The following SUMF1 variants were observed in gnomAD, a reference collection of about 807,000 sequenced individuals.
The protein encoded by SUMF1 is sulfatase modifying factor 1, also known as formylglycine-generating enzyme.
SUMF1 carries 48 observed loss-of-function variants against 47.6 expected under a neutral mutation model. The observed-to-expected ratio is 1.01, with a 90% confidence interval of 0.80 to 1.28. The LOEUF (loss-of-function observed/expected upper bound fraction) is 1.28, where lower values mean the gene tolerates loss of function less well. Ranked by LOEUF, SUMF1 falls within the 50% of genes most tolerant of loss-of-function variation. The probability of loss-of-function intolerance (pLI) is 0.00; values close to 1 mark genes in which losing one functional copy is unlikely to be tolerated. For synonymous variants in SUMF1, 230 were observed against 192.1 expected, an observed-to-expected ratio of 1.20 and a Z score of -1.63; for missense variants, 571 against 485.4, an observed-to-expected ratio of 1.18 and a Z score of -1.66.
chr3:4,466,751 A>G (rs915522702), intron 1 of SUMF1, among the ~76,000 whole-genome samples: 9 of 152,226 alleles, frequency 5.9e-5, no homozygotes, highest in African/African-American at 2.2e-4. Flanking sequence ...AATAGGGGGT[A>G]AAGAAGTAAC....
intron 3 of SUMF1, among the ~76,000 whole-genome samples, chr3:4,423,197 T>C (rs969515017): frequency 6.6e-6 from 1 of 152,096 alleles, no homozygotes; most frequent in Non-Finnish European, 1.5e-5. Flanking sequence ...CACACATGTT[T>C]ATAGCAGCAT....
At chr3:4,456,983 T>C (rs1168970534) in intron 1 of SUMF1, among the ~76,000 whole-genome samples, 2 of 148,492 alleles carry the variant, frequency 1.3e-5, no homozygotes, top group African/African-American at 2.5e-5. Context: ...TGTGTGTATA[T>C]ATATATACGT....
chr3:4,349,868 T>C (rs941572384), intron 8 of SUMF1, among the ~76,000 whole-genome samples: 1 of 150,836 alleles, frequency 6.6e-6, no homozygotes, highest in African/African-American at 2.4e-5. Context: ...AGTTGGAGGA[T>C]GGGTCAATAG....
chr3:4,180,461 C>T (rs1695069163), intron 8 of SUMF1, among the ~76,000 whole-genome samples: 1 of 151,898 alleles, frequency 6.6e-6, no homozygotes, highest in Non-Finnish European at 1.5e-5. Context: ...ACCAACACCA[C>T]ATGTTCTCAC....
chr3:4,458,612 T>C (rs1184894583), intron 1 of SUMF1, among the ~76,000 whole-genome samples: 1 of 152,116 alleles, frequency 6.6e-6, no homozygotes, highest in Non-Finnish European at 1.5e-5. Flanking sequence ...TCCCAGCACT[T>C]TGGGAGGCCG....
intron 9 of SUMF1, among the ~76,000 whole-genome samples, chr3:4,049,036 TTTGAAAGCCATGGGGAGC>T (rs1695057714): frequency 6.6e-6 from 1 of 152,162 alleles, no homozygotes; most frequent in Non-Finnish European, 1.5e-5. Context: ...CAGATATAGA[TTTGAAAGCCATGGGGAGC>T]ATGAAACCCA....
At chr3:4,458,475 A>T in intron 1 of SUMF1, among the ~76,000 whole-genome samples, 1 of 152,210 alleles carries the variant, frequency 6.6e-6, no homozygotes, top group East Asian at 1.9e-4. Context: ...TACAGAAGCA[A>T]CCTAGATGTC....
At chr3:4,322,963 C>T (rs1698867831) in intron 8 of SUMF1, among the ~76,000 whole-genome samples, 1 of 151,918 alleles carries the variant, frequency 6.6e-6, no homozygotes, top group Non-Finnish European at 1.5e-5. Flanking sequence ...TTCATAACAA[C>T]AAAAAAGTGG....
At chr3:4,315,351 G>A (rs1158300355) in intron 8 of SUMF1, among the ~76,000 whole-genome samples, 1 of 152,204 alleles carries the variant, frequency 6.6e-6, no homozygotes, top group Non-Finnish European at 1.5e-5. Flanking sequence ...ATTTGATTCT[G>A]CAGATACCCT....
chr3:4,360,591 C>T (rs1458012562), downstream of SUMF1, among the ~76,000 whole-genome samples: 1 of 152,074 alleles, frequency 6.6e-6, no homozygotes, highest in Non-Finnish European at 1.5e-5. Flanking sequence ...CCTTGGCCTC[C>T]CAAAGTGCTG....
chr3:4,040,756 C>T (rs565694470), intron 9 of SUMF1, among the ~76,000 whole-genome samples: 14 of 152,090 alleles, frequency 9.2e-5, no homozygotes, highest in African/African-American at 3.1e-4. Context: ...ATGTTGATGC[C>T]GAAATGGGCT....
At chr3:4,314,694 G>A (rs945582323) in intron 8 of SUMF1, among the ~76,000 whole-genome samples, 2 of 152,120 alleles carry the variant, frequency 1.3e-5, no homozygotes, top group South Asian at 2.1e-4. Flanking sequence ...AGAAGGAGAC[G>A]GGAGTTTTAT....
intron 8 of SUMF1, among the ~76,000 whole-genome samples, chr3:4,312,722 C>G (rs1473708170): frequency 8.1e-6 from 1 of 124,140 alleles, no homozygotes; most frequent in African/African-American, 3.4e-5. Context: ...AAAAAAAAAA[C>G]TTGTTTTATT....
intron 8 of SUMF1, among the ~76,000 whole-genome samples, chr3:4,109,600 A>C (rs1267069485): frequency 2.0e-5 from 3 of 151,970 alleles, no homozygotes; most frequent in East Asian, 3.9e-4. Context: ...ATAGTCCCAT[A>C]TTTCTTGGAG....
At chr3:4,135,581 T>C (rs946642273) in intron 8 of SUMF1, among the ~76,000 whole-genome samples, 2 of 152,162 alleles carry the variant, frequency 1.3e-5, no homozygotes, top group Admixed American at 6.5e-5. Context: ...GGATGCCCTC[T>C]GTCACCACTC....
chr3:4,058,911 CT>C (rs1695234820), intron 9 of SUMF1, among the ~76,000 whole-genome samples: 1 of 152,048 alleles, frequency 6.6e-6, no homozygotes, highest in Admixed American at 6.6e-5. Flanking sequence ...ATCTGGGAGG[CT>C]TTGTTGGAAA....
At chr3:4,463,043 G>A (rs1394855958) in intron 1 of SUMF1, among the ~76,000 whole-genome samples, 1 of 152,166 alleles carries the variant, frequency 6.6e-6, no homozygotes, top group African/African-American at 2.4e-5. Flanking sequence ...TATTCCCAAG[G>A]CAGTTTCTCA....
intron 8 of SUMF1, among the ~76,000 whole-genome samples, chr3:4,107,426 G>C (rs1693183632): frequency 6.6e-6 from 1 of 152,090 alleles, no homozygotes; most frequent in Admixed American, 6.5e-5. Context: ...AGCTGCCTAA[G>C]GATACAAAAT....
At chr3:4,160,234 CTCTAT>C (rs1694544240) in intron 8 of SUMF1, among the ~76,000 whole-genome samples, 1 of 151,864 alleles carries the variant, frequency 6.6e-6, no homozygotes, top group South Asian at 2.1e-4. Context: ...TATAGGCATG[CTCTAT>C]TCTTTTTCTT....
Sources: allele counts gnomAD v4.1 joint callset (sites outside exome capture counted in the v4.1 genomes callset), GRCh38; gene constraint gnomAD v4.1.1; transcripts MANE v1.5; gene names NCBI Gene and HGNC (gene_info 2026-07-23, HGNC 2026-07-21).